The following PTPRN2 variants were observed in gnomAD, a reference collection of about 807,000 sequenced individuals.
PTPRN2 encodes the protein protein tyrosine phosphatase receptor type N2, also known as receptor-type tyrosine-protein phosphatase N2.
Under a neutral mutation model 118.8 loss-of-function variants are expected in PTPRN2, and 74 were observed. The observed-to-expected ratio is 0.62, with a 90% confidence interval of 0.52 to 0.76. The LOEUF (loss-of-function observed/expected upper bound fraction) is 0.76, where lower values mean the gene tolerates loss of function less well. Ranked by LOEUF, PTPRN2 falls within the 30% of genes least tolerant of loss-of-function variation. The pLI, the probability that PTPRN2 is intolerant of heterozygous loss-of-function variation, is 0.00. For missense variants in PTPRN2, 1,481 were observed against 1,394.4 expected (o/e 1.06, Z -0.99); for synonymous variants, 641 against 608.0 (o/e 1.05, Z -0.80).
chr7:158,013,145 C>G (rs1279724150), intron 11 of PTPRN2, among the ~76,000 whole-genome samples: 1 of 152,100 alleles, frequency 6.6e-6, no homozygotes. Flanking sequence ...TTAATGTTAC[C>G]CCCTCAAGCT....
At position 157,619,419 on chromosome 7, in the gene PTPRN2, C is replaced by T. The variant is rs1350262285; in HGVS notation, c.2344+1943G>A. The stretch of plus-strand genomic sequence containing the variant: ...TTGTCCTACCACACCGGCTTCACTC[C>T]CCGCCCTCTCCTCCCCCAGGCTGCT... On this transcript the variant is annotated intron_variant, in intron 15 of 22. Coordinates refer to ENST00000389418, the MANE Select transcript of PTPRN2 (RefSeq NM_002847.5). The surrounding 1 kb of genome is among the most constrained non-coding windows in gnomAD (Gnocchi z 5.3). Among the ~76,000 whole-genome samples the T allele has an allele frequency of 3.3e-5, 5 of 152,172 alleles. No homozygotes were observed.
chr7:157,664,370 G>A (rs923703955), intron 13 of PTPRN2, among the ~76,000 whole-genome samples: 1 of 152,262 alleles, frequency 6.6e-6, no homozygotes, highest in African/African-American at 2.4e-5. Flanking sequence ...TCAGACTTCT[G>A]TGGGGGCCCA....
At chr7:157,649,155 G>A (rs1249229777) in intron 14 of PTPRN2, among the ~76,000 whole-genome samples, 2 of 105,970 alleles carry the variant, frequency 1.9e-5, no homozygotes, top group African/African-American at 7.1e-5. Context: ...GACCCATCCA[G>A]CGTGCACTGA....
intron 1 of PTPRN2, among the ~76,000 whole-genome samples, chr7:158,531,905 C>T (rs904303642): frequency 1.3e-5 from 2 of 152,210 alleles, no homozygotes; most frequent in African/African-American, 4.8e-5. Flanking sequence ...TGCACTCACA[C>T]GTGCCTAAAC....
chr7:157,558,967 G>A (rs1466772739), intron 21 of PTPRN2, among the ~76,000 whole-genome samples: 4 of 152,358 alleles, frequency 2.6e-5, no homozygotes, highest in South Asian at 2.1e-4. Flanking sequence ...ATTTGACCTC[G>A]GAAACAGGAG....
In PTPRN2 at chr7:158,525,554, T is replaced by C. The variant is rs768102457; in HGVS notation, c.113-35769A>G. ...AGCCTCCCTGGCCCAGAACAGGCGC[T>C]CACTGTATCTCCTCCCTTCCTCCTG... On this transcript the variant is annotated intron_variant, in intron 1 of 22. Coordinates refer to ENST00000389418, the MANE Select transcript of PTPRN2 (RefSeq NM_002847.5). The surrounding 1 kb of genome is among the most constrained non-coding windows in gnomAD (Gnocchi z 4.1). 6.6e-6 allele frequency among the ~76,000 whole-genome samples: 1 copy of C among 152,218 alleles called. No individual in the cohort carries two copies. The highest frequency in any genetic ancestry group is 1.5e-5 in the Non-Finnish European group (1 of 68,028).
At chr7:158,131,889 C>A (rs1450074754) in intron 9 of PTPRN2, among the ~76,000 whole-genome samples, 1 of 151,654 alleles carries the variant, frequency 6.6e-6, no homozygotes, top group Non-Finnish European at 1.5e-5. Flanking sequence ...ACCTGACATA[C>A]ACACACATGG....
At chr7:157,895,582 CA>C (rs1563217166) in intron 12 of PTPRN2, among the ~76,000 whole-genome samples, 1 of 151,970 alleles carries the variant, frequency 6.6e-6, no homozygotes, top group African/African-American at 2.4e-5. Flanking sequence ...ATACAGTAAC[CA>C]AGAGAAAAGT....
At chr7:158,025,103 T>C (rs745388125) in intron 11 of PTPRN2, among the ~76,000 whole-genome samples, 1 of 152,096 alleles carries the variant, frequency 6.6e-6, no homozygotes, top group Non-Finnish European at 1.5e-5. Flanking sequence ...CAAAGACACA[T>C]GCAGCCCTAT....
intron 2 of PTPRN2, among the ~76,000 whole-genome samples, chr7:158,380,911 G>T (rs144340987): frequency 0.017 from 2,629 of 152,354 alleles, 30 homozygotes; most frequent in Non-Finnish European, 0.026. Context: ...AGCTGCCAAG[G>T]CTTGGGGCTT....
intron 11 of PTPRN2, among the ~76,000 whole-genome samples, chr7:157,936,028 C>G (rs1038915179): frequency 1.3e-5 from 2 of 152,174 alleles, no homozygotes; most frequent in African/African-American, 4.8e-5. Flanking sequence ...GTCGCTCCCT[C>G]AGGGGGGTCT....
intron 10 of PTPRN2, among the ~76,000 whole-genome samples, chr7:158,098,603 C>T (rs1814877722): frequency 6.6e-6 from 1 of 152,208 alleles, no homozygotes. Context: ...AAACCAGAGG[C>T]TCCCCGAGGC....
chr7:158,414,075 A>G (rs1428934214), intron 2 of PTPRN2, among the ~76,000 whole-genome samples: 1 of 151,408 alleles, frequency 6.6e-6, no homozygotes, highest in African/African-American at 2.4e-5. Flanking sequence ...CTCAAAAAAA[A>G]AAAAAAAAAA....
At chr7:158,340,342 C>A (rs1313316843) in intron 2 of PTPRN2, among the ~76,000 whole-genome samples, 1 of 102,728 alleles carries the variant, frequency 9.7e-6, no homozygotes, top group Non-Finnish European at 2.1e-5. Flanking sequence ...CACACTGTCA[C>A]CATAAGAGCT....
intron 1 of PTPRN2, among the ~76,000 whole-genome samples, chr7:158,496,240 C>T (rs1821839064): frequency 7.3e-6 from 1 of 137,880 alleles, no homozygotes; most frequent in African/African-American, 2.7e-5. Flanking sequence ...CTTCCCTCCC[C>T]TTCCCTGCAC....
In PTPRN2 at chr7:157,987,545, G is replaced by A. The variant is rs763193198; in HGVS notation, c.1724-88808C>T. 6.6e-6 allele frequency among the ~76,000 whole-genome samples: 1 copy of A among 152,126 alleles called. No homozygotes were observed. Among genetic ancestry groups the A allele is most frequent in the East Asian group, 1.9e-4 (1 of 5,174 alleles). On this transcript the variant is annotated intron_variant, in intron 11 of 22. Coordinates refer to ENST00000389418, the MANE Select transcript of PTPRN2 (RefSeq NM_002847.5). This position sits in a 1 kb window ranked among gnomAD's most constrained non-coding sequence, Gnocchi z 4.3. ...GACTTCCCAGGGGCAGAGCAGACCC[G>A]GTGGACAGCAGGAGCTGCCTGGTCC...
rs1586874026 is a variant in PTPRN2 at position 158,526,572 on chromosome 7, C to T, written c.113-36787G>A. Among the ~76,000 whole-genome samples the T allele has an allele frequency of 6.6e-6, 1 of 152,138 alleles. No individual in the cohort carries two copies. The stretch of plus-strand genomic sequence containing the variant: ...GTGGGTGTGATGGCTGAGTTGTGCA[C>T]CCCAAAGTTCATACACTGAAGTCCT... On this transcript the variant is annotated intron_variant, in intron 1 of 22. Transcript: ENST00000389418. The surrounding 1 kb of genome is among the most constrained non-coding windows in gnomAD (Gnocchi z 5.2).
intron 11 of PTPRN2, among the ~76,000 whole-genome samples, chr7:157,982,046 CAAATCATAGAGA>C (rs1378023019): frequency 1.4e-5 from 2 of 146,040 alleles, no homozygotes; most frequent in Non-Finnish European, 3.0e-5. Context: ...CCCCAAACCC[CAAATCATAGAGA>C]TGAGGAGGGG....
At chr7:157,954,672 C>T (rs1005566696) in intron 11 of PTPRN2, among the ~76,000 whole-genome samples, 21 of 152,078 alleles carry the variant, frequency 1.4e-4, no homozygotes, top group Admixed American at 1.3e-4. Flanking sequence ...GCCTGCAGTA[C>T]AGCTCCAGAC....
Sources: gnomAD v4.1 joint callset for allele counts (sites outside exome capture counted in the v4.1 genomes callset) on GRCh38, gnomAD v4.1.1 for gene constraint, Gnocchi (gnomAD v3.1) non-coding constraint, MANE v1.5 for transcripts, NCBI Gene and HGNC (gene_info 2026-07-23, HGNC 2026-07-21) for gene names.